GOLGA3: variants seen among roughly 807,000 people sequenced by gnomAD.
The protein encoded by GOLGA3 is golgin subfamily A member 3.
In GOLGA3, 75 loss-of-function variants were observed where a neutral mutation model predicts 169.4. The ratio of observed to expected loss-of-function variants is 0.44; its 90% CI spans 0.37 to 0.54. The LOEUF (loss-of-function observed/expected upper bound fraction) is 0.54, where lower values mean the gene tolerates loss of function less well. Among genes scored for constraint, GOLGA3 ranks in the 20% least tolerant of loss-of-function variants. The pLI, the probability that GOLGA3 is intolerant of heterozygous loss-of-function variation, is 0.00. For synonymous variants in GOLGA3, 824 were observed against 822.4 expected (o/e 1.00, Z -0.03); for missense variants, 1,899 against 1,930.0 (o/e 0.98, Z 0.30).
chr12:132,814,169 C>A (rs145937728), intron 3 of GOLGA3, among the ~76,000 whole-genome samples: 1 of 151,818 alleles, frequency 6.6e-6, no homozygotes, highest in African/African-American at 2.4e-5. Flanking sequence ...GGATTACAGG[C>A]ATGCAACACG....
chr12:132,780,981 G>T, intron 17 of GOLGA3, 67 bp from the exon 18 acceptor site: 1 of 1,194,976 alleles, frequency 8.4e-7, no homozygotes, highest in Non-Finnish European at 1.2e-6. Flanking sequence ...GGCTGCTACA[G>T]CAGGCAACGT....
rs764630643 is a variant in GOLGA3, at chr12:132,805,017, A to G, written c.1296T>C (p.Leu432=). 1 of 1,605,700 alleles carries G rather than the reference A, an allele frequency of 6.2e-7. No homozygotes were observed. Among genetic ancestry groups the G allele is most frequent in the Non-Finnish European group, 8.5e-7 (1 of 1,178,182 alleles). The change falls in exon 7 of 24, where the codon CTT becomes CTC. Residue 432 remains leucine (L), a synonymous_variant. Transcript: ENST00000450791. ...GGGCCTGCAGCTCAGCCTTCTCTTT[A>G]AGTGCCTGAAAAGATCCCAACAACC... The part of the protein sequence containing the change: ...EALSLEASQA[L]KEKAELQAQL...
At chr12:132,806,295 G>A (rs540477467) in intron 6 of GOLGA3, among the ~76,000 whole-genome samples, 93 of 152,330 alleles carry the variant, frequency 6.1e-4, no homozygotes, top group Non-Finnish European at 1.2e-3. Flanking sequence ...GCCACCGTTC[G>A]AGAGAGTGGC....
Position 132,773,163 on chromosome 12 carries a change from C to A in GOLGA3, c.4439G>T (p.Arg1480Leu). The A allele has an allele frequency of 1.9e-6, 3 of 1,583,374 alleles. No individual in the cohort carries two copies. Among genetic ancestry groups the A allele is most frequent in the Non-Finnish European group, 2.6e-6 (3 of 1,164,106 alleles). ...CTGACTGTGTCTCTGTGGGTCGCCG[C>A]GTGGGCCGGCGTGACCCCCCGGGGG... ...PVPPGGHAGP[R>L]GDPQRHSQSR... Residue 1480 changes from arginine to leucine, a missense_variant, in exon 24 of 24, where the codon CGC (arginine) becomes CTC (leucine). Physicochemically the swap from Arg to Leu is moderately radical, Grantham distance 102. Transcript: ENST00000450791.
chr12:132,818,297 C>A (rs1950077777), intron 2 of GOLGA3, among the ~76,000 whole-genome samples: 1 of 152,232 alleles, frequency 6.6e-6, no homozygotes, highest in Non-Finnish European at 1.5e-5. Context: ...TCTCATTCTG[C>A]TGCCCAGGCT....
chr12:132,796,370 A>AT, intron 10 of GOLGA3, 150 bp from the exon 11 acceptor site: 6 of 1,215,988 alleles, frequency 4.9e-6, no homozygotes, highest in Non-Finnish European at 6.8e-6. Flanking sequence ...CCAGCAGGGC[A>AT]AACACAGGGT....
chr12:132,828,649 C>CG (rs1193054257), intron 1 of GOLGA3, 154 bp downstream of exon 1: 2 of 152,504 alleles, frequency 1.3e-5, no homozygotes, highest in African/African-American at 2.4e-5. Context: ...CGCAGCGAGG[C>CG]GGGGGTGACT....
intron 3 of GOLGA3, among the ~76,000 whole-genome samples, chr12:132,814,329 T>C (rs1949861548): frequency 6.6e-6 from 1 of 152,134 alleles, no homozygotes; most frequent in Admixed American, 6.5e-5. Flanking sequence ...CGGCAGCAAG[T>C]GCCTTTTAAC....
At chr12:132,783,864 C>T in intron 16 of GOLGA3, 2 of 1,420,282 alleles carry the variant, frequency 1.4e-6, no homozygotes, top group East Asian at 2.6e-5. Context: ...GCATGAGCCA[C>T]TCGCCTGGCG....
intron 17 of GOLGA3, 87 bp from the exon 18 acceptor site, chr12:132,781,001 C>T (rs2045573223): frequency 2.2e-6 from 2 of 926,142 alleles, no homozygotes; most frequent in Non-Finnish European, 1.8e-6. Flanking sequence ...TGACACACGC[C>T]ACATCACAGG....
At position 132,816,644 on chromosome 12, in the gene GOLGA3, T is replaced by G. The variant is rs773914150; in HGVS notation, c.302A>C (p.His101Pro). Residue 101 changes from histidine (H) to proline (P), a missense_variant, in exon 3 of 24, where the codon CAT becomes CCT. By Grantham distance (77) the His-to-Pro change is moderately conservative. Coordinates refer to ENST00000450791, the MANE Select transcript of GOLGA3 (RefSeq NM_001389683.1). ...TCCCTGAGACTTCCTTAGGTTGTCA[T>G]GGAAACCAGCCACACCTGGAGAGGC... ...PDASPGVAGF[H>P]DNLRKSQGTS... is the part of the protein sequence containing the mutation. The G allele has an allele frequency of 8.1e-6, 13 of 1,614,152 alleles. No homozygotes were observed. The highest frequency in any genetic ancestry group is 1.1e-5 in the Non-Finnish European group (13 of 1,180,006).
rs763367251 is a variant in GOLGA3, at chr12:132,805,008, C to A, written c.1305G>T (p.Lys435Asn). Residue 435 changes from lysine (K) to asparagine (N), a missense_variant, in exon 7 of 24, where the codon AAG (lysine) becomes AAT (asparagine). Lys to Asn is a moderately conservative substitution (Grantham distance 94). Transcript: ENST00000450791. ...CGGCCAGCTGGGCCTGCAGCTCAGC[C>A]TTCTCTTTAAGTGCCTGAAAAGATC... The part of the protein sequence containing the change: ...SLEASQALKE[K>N]AELQAQLAAL... 1 of 1,609,036 alleles carries A rather than the reference C, an allele frequency of 6.2e-7. No individual in the cohort carries two copies. The highest frequency in any genetic ancestry group is 2.2e-5 in the East Asian group (1 of 44,866).
At chr12:132,774,569 GCGGCAGGA>G (rs2045112050) in intron 22 of GOLGA3, 1 of 564,084 alleles carries the variant, frequency 1.8e-6, no homozygotes, top group Non-Finnish European at 3.2e-6. Flanking sequence ...TCCTGGGTCT[GCGGCAGGA>G]CGGGGCCGAG....
chr12:132,773,441 C>CTTT, intron 23 of GOLGA3, 147 bp from the exon 24 acceptor site: 1 of 445,888 alleles, frequency 2.2e-6, no homozygotes, highest in Non-Finnish European at 3.9e-6. Context: ...AGAAGCTCAG[C>CTTT]TGTTCTCAGC....
In GOLGA3 at chr12:132,804,803, C is replaced by T. The variant is rs1322101079; in HGVS notation, c.1510G>A (p.Asp504Asn). ...TACTGCTCCTCGGCCACCTGCAAGTCGTTGTTGGACGACGCCAGGCTGGCA... is the reference window on the plus strand; with the variant it reads ...TACTGCTCCTCGGCCACCTGCAAGTTGTTGTTGGACGACGCCAGGCTGGCA... ...KNASLASSNN[D>N]LQVAEEQYQR... The change falls in exon 7 of 24, where the codon GAC (aspartate) becomes AAC (asparagine). Residue 504 changes from aspartate to asparagine, a missense_variant. Coordinates refer to ENST00000450791, the MANE Select transcript of GOLGA3 (RefSeq NM_001389683.1). The surrounding 1 kb of genome is among the most constrained non-coding windows in gnomAD (Gnocchi z 4.1). 1.8e-5 allele frequency: 29 copies of T among 1,614,212 alleles called. No homozygotes were observed. The highest frequency in any genetic ancestry group is 2.4e-5 in the Non-Finnish European group (28 of 1,180,034).
Position 132,808,459 on chromosome 12 carries a change from G to C in GOLGA3, c.610C>G (p.Leu204Val), listed in dbSNP as rs751449308. 5 of 1,614,082 alleles carry C rather than the reference G, an allele frequency of 3.1e-6. No homozygotes were observed. The highest frequency in any genetic ancestry group is 4.2e-6 in the Non-Finnish European group (5 of 1,179,944). Residue 204 changes from leucine to valine, a missense_variant, in exon 5 of 24, where the codon CTG becomes GTG. Leu to Val is a conservative substitution (Grantham distance 32). Coordinates refer to ENST00000450791, the MANE Select transcript of GOLGA3 (RefSeq NM_001389683.1). The stretch of plus-strand genomic sequence containing the variant: ...AAGGAATATTCTTTTGTCATAGCCA[G>C]GGTACTGGCCCTTGGTAAGTTTTCT... Reference protein sequence around the residue: ...NPENLPRASTLAMTKEYSFLR... With the variant: ...NPENLPRASTVAMTKEYSFLR...
chr12:132,776,369 G>A (rs529195228), intron 21 of GOLGA3, among the ~76,000 whole-genome samples: 10 of 127,160 alleles, frequency 7.9e-5, no homozygotes, highest in African/African-American at 2.9e-4. Context: ...TGCTGCTCCC[G>A]CCTGTACCCA....
rs565587561 is a variant in GOLGA3 at position 132,784,724 on chromosome 12, G to A, written c.3124-417C>T. Among the ~76,000 whole-genome samples, 730 of 149,296 alleles carry A rather than the reference G, an allele frequency of 4.9e-3. 2 individuals carry two copies. Among genetic ancestry groups the A allele is most frequent in the African/African-American group, 0.017 (689 of 40,464 alleles). ...CACATCCCACACACCACACACACAC[G>A]TGCTCACACCCCACACGCACATGCT... On this transcript the variant is annotated intron_variant, in intron 15 of 23. Transcript: ENST00000450791.
At chr12:132,825,264 C>T (rs1420075419) in intron 1 of GOLGA3, among the ~76,000 whole-genome samples, 1 of 152,126 alleles carries the variant, frequency 6.6e-6, no homozygotes, top group Non-Finnish European at 1.5e-5. Flanking sequence ...GCGTGCAGAC[C>T]CTCCTGGCCC....
Sources: allele counts gnomAD v4.1 joint callset (sites outside exome capture counted in the v4.1 genomes callset), GRCh38; gene constraint gnomAD v4.1.1; non-coding constraint Gnocchi (gnomAD v3.1); transcripts MANE v1.5; gene names NCBI Gene and HGNC (gene_info 2026-07-23, HGNC 2026-07-21).